The following BIRC6 variants were observed in gnomAD, a reference collection of about 807,000 sequenced individuals.
BIRC6 encodes baculoviral IAP repeat containing 6.
In BIRC6, 98 loss-of-function variants were observed where a neutral mutation model predicts 503.3. That is an observed-to-expected ratio of 0.19 (90% CI 0.17 to 0.23). The LOEUF (loss-of-function observed/expected upper bound fraction) is 0.23. Among genes scored for constraint, BIRC6 ranks in the 10% least tolerant of loss-of-function variants. The probability of loss-of-function intolerance (pLI) is 1.00; values close to 1 mark genes in which losing one functional copy is unlikely to be tolerated. For synonymous variants in BIRC6, 2,240 were observed against 2,078.7 expected, an observed-to-expected ratio of 1.08 and a Z score of -2.11; for missense variants, 5,360 against 5,806.0, an observed-to-expected ratio of 0.92 and a Z score of 2.50.
intron 9 of BIRC6, among the ~76,000 whole-genome samples, chr2:32,413,339 C>G (rs1166054584): frequency 1.3e-5 from 2 of 152,048 alleles, no homozygotes; most frequent in South Asian, 2.1e-4. Flanking sequence ...CACCACCACA[C>G]CCAGCTAATT....
intron 3 of BIRC6, among the ~76,000 whole-genome samples, chr2:32,383,328 C>T (rs1221622816): frequency 4.6e-5 from 7 of 152,130 alleles, no homozygotes; most frequent in Non-Finnish European, 1.0e-4. Flanking sequence ...CAGGCGTGAG[C>T]CTAGTCCTCA....
chr2:32,589,584 T>C (rs1443482265), intron 66 of BIRC6, among the ~76,000 whole-genome samples: 1 of 152,216 alleles, frequency 6.6e-6, no homozygotes, highest in Non-Finnish European at 1.5e-5. Context: ...CCTGATTTCT[T>C]AGCCAGATAG....
In BIRC6 at chr2:32,480,157, A is replaced by G. The variant is rs139052107; in HGVS notation, c.7408+540A>G. On this transcript the variant is annotated intron_variant, in intron 37 of 73. Coordinates refer to ENST00000421745, the MANE Select transcript of BIRC6 (RefSeq NM_016252.4). ...GTTTGCTCATGATTTTCTATTTTTT[A>G]CTTGATATTCTCTTTATCTGGAGTA... Among the ~76,000 whole-genome samples, 283 of 152,044 alleles carry G rather than the reference A, an allele frequency of 1.9e-3. 1 individual carries two copies. The highest frequency in any genetic ancestry group is 6.3e-3 in the African/African-American group (260 of 41,468).
At chr2:32,475,706 T>C (rs950168591) in intron 33 of BIRC6, among the ~76,000 whole-genome samples, 1 of 152,112 alleles carries the variant, frequency 6.6e-6, no homozygotes, top group Non-Finnish European at 1.5e-5. Flanking sequence ...GTACAAGAGA[T>C]TTCTGTATTA....
chr2:32,401,279 G>A lies in BIRC6; in HGVS notation c.1151G>A (p.Gly384Glu). ...TSPAQFPCTD[G>E]TDRISCFGSG... is the part of the protein sequence containing the mutation. The stretch of plus-strand genomic sequence containing the variant: ...CCTGCACAGTTTCCTTGTACGGATG[G>A]AACTGACAGAATATCTTGCTTTGGG... The change falls in exon 7 of 74, where the codon GGA becomes GAA. Residue 384 changes from glycine to glutamate, a missense_variant. Around this residue, in one of 16 missense-constraint regions of BIRC6, gnomAD observed 92 missense variants for 176.7 expected, o/e 0.52. Transcript: ENST00000421745. The A allele has an allele frequency of 6.2e-7, 1 of 1,614,012 alleles. No individual in the cohort carries two copies. Among genetic ancestry groups the A allele is most frequent in the Non-Finnish European group, 8.5e-7 (1 of 1,179,888 alleles).
intron 9 of BIRC6, 57 bp downstream of exon 9, chr2:32,406,614 C>T (rs1174286997): frequency 1.7e-6 from 2 of 1,153,824 alleles, no homozygotes; most frequent in African/African-American, 1.6e-5. Flanking sequence ...GTTGTGCATA[C>T]AGCTAACTAC....
At chr2:32,459,366 A>T (rs187644883) in intron 23 of BIRC6, among the ~76,000 whole-genome samples, 2 of 152,244 alleles carry the variant, frequency 1.3e-5, no homozygotes, top group Non-Finnish European at 2.9e-5. Context: ...GTTATGTCTA[A>T]TGCTGCTGTG....
At chr2:32,436,839 C>T (rs1359658062) in intron 15 of BIRC6, among the ~76,000 whole-genome samples, 1 of 9,524 alleles carries the variant, frequency 1.0e-4, no homozygotes, top group African/African-American at 5.3e-4. Context: ...GTTGGGATTA[C>T]AGGCGTCAGC....
Position 32,461,170 on chromosome 2 carries a change from C to T in BIRC6, c.4754-2024C>T. ...CCCCTCCCCTCCCCTCTCCCCTCCC[C>T]TCTCCCCTCCCCTCTCCCCTCCCCT... On this transcript the variant is annotated intron_variant, in intron 23 of 73. Coordinates refer to ENST00000421745, the MANE Select transcript of BIRC6 (RefSeq NM_016252.4). Among the ~76,000 whole-genome samples the T allele has an allele frequency of 7.8e-5, 2 of 25,576 alleles. 1 individual carries two copies. The highest frequency in any genetic ancestry group is 1.6e-4 in the Non-Finnish European group (2 of 12,350). 16.8% of individuals were successfully genotyped at this position (25,576 alleles called of 152,430 possible). A position where few individuals can be genotyped will look rare whatever the true frequency, so the allele number is the denominator to read the frequency against.
intron 10 of BIRC6, among the ~76,000 whole-genome samples, chr2:32,418,169 T>C (rs2042580487): frequency 4.6e-5 from 7 of 152,218 alleles, no homozygotes; most frequent in Admixed American, 3.9e-4. Context: ...AAATGAGCAG[T>C]GTAGTCTAGT....
rs920952457 is a variant in BIRC6 at position 32,378,392 on chromosome 2, GTTCT to G, written c.507+634_507+637del. The stretch of plus-strand genomic sequence containing the variant: ...TGAGAGGGAGACTGGGAAAGAGGTG[GTTCT>G]TTCTTTCTTTTTTTTAATATTTTAA... On this transcript the variant is annotated intron_variant, in intron 2 of 73. Coordinates refer to ENST00000421745, the MANE Select transcript of BIRC6 (RefSeq NM_016252.4). Among the ~76,000 whole-genome samples the G allele has an allele frequency of 6.9e-4, 105 of 152,002 alleles. 1 individual carries two copies. The highest frequency in any genetic ancestry group is 2.3e-3 in the African/African-American group (96 of 41,474).
At chr2:32,607,396 A>G (rs2062547887) in intron 71 of BIRC6, 59 bp from the exon 72 acceptor site, 2 of 1,187,562 alleles carry the variant, frequency 1.7e-6, no homozygotes, top group South Asian at 2.3e-5. Context: ...AAAGCAGGAT[A>G]TCAGTTAACC....
intron 71 of BIRC6, 69 bp from the exon 72 acceptor site, chr2:32,607,386 A>G: frequency 9.2e-7 from 1 of 1,090,296 alleles, no homozygotes; most frequent in Non-Finnish European, 1.3e-6. Flanking sequence ...CTTTGTGGAT[A>G]AAGCAGGATA....
At chr2:32,510,172 G>A (rs1034431664) in intron 52 of BIRC6, among the ~76,000 whole-genome samples, 178 bp downstream of exon 52, 1 of 152,058 alleles carries the variant, frequency 6.6e-6, no homozygotes, top group Non-Finnish European at 1.5e-5. Context: ...GTGCAGTGGC[G>A]CAATCTTGGC....
chr2:32,385,056 C>G (rs911473453), intron 3 of BIRC6, among the ~76,000 whole-genome samples: 1 of 152,176 alleles, frequency 6.6e-6, no homozygotes, highest in Admixed American at 6.5e-5. Context: ...CTAGCCAACT[C>G]TAAATCCATA....
intron 73 of BIRC6, among the ~76,000 whole-genome samples, chr2:32,617,066 G>C (rs1469737207): frequency 1.3e-5 from 2 of 152,110 alleles, no homozygotes; most frequent in African/African-American, 4.8e-5. Flanking sequence ...CTGCTCTCCA[G>C]CCTGGATGAC....
At chr2:32,403,930 T>G (rs1357526975) in intron 8 of BIRC6, among the ~76,000 whole-genome samples, 21 of 38,526 alleles carry the variant, frequency 5.5e-4, no homozygotes, top group East Asian at 4.8e-3. Flanking sequence ...GTGTGTGTGT[T>G]TTTTTTTTTT....
chr2:32,596,237 C>T (rs935864511), intron 68 of BIRC6, among the ~76,000 whole-genome samples: 2 of 151,816 alleles, frequency 1.3e-5, no homozygotes, highest in Non-Finnish European at 2.9e-5. Context: ...TAATCCAGCA[C>T]TTTAGGAGGC....
chr2:32,474,069 A>G (rs184031157), intron 33 of BIRC6, among the ~76,000 whole-genome samples: 1 of 151,992 alleles, frequency 6.6e-6, no homozygotes, highest in East Asian at 1.9e-4. Context: ...CAATATTTTT[A>G]TTATTGCTTT....
Sources: allele counts gnomAD v4.1 joint callset (sites outside exome capture counted in the v4.1 genomes callset), GRCh38; gene constraint gnomAD v4.1.1; regional missense constraint gnomAD v4.1.1; transcripts MANE v1.5; gene names NCBI Gene and HGNC (gene_info 2026-07-23, HGNC 2026-07-21).